Variants in DOCK3 observed in about 807,000 individuals in gnomAD.
DOCK3 encodes dedicator of cytokinesis 3, also known as dedicator of cytokinesis protein 3.
Under a neutral mutation model 265.6 loss-of-function variants are expected in DOCK3, and 60 were observed. That is an observed-to-expected ratio of 0.23 (90% CI 0.18 to 0.28). The LOEUF (loss-of-function observed/expected upper bound fraction) is 0.28. DOCK3 is among the 10% of genes least tolerant of loss of function. DOCK3 has a pLI of 1.00. For missense variants in DOCK3, 1,981 were observed against 2,594.3 expected, an observed-to-expected ratio of 0.76 and a Z score of 5.14; for synonymous variants, 881 against 938.0, an observed-to-expected ratio of 0.94 and a Z score of 1.11.
At chr3:50,740,994 C>T (rs2038980733) in intron 1 of DOCK3, among the ~76,000 whole-genome samples, 2 of 151,978 alleles carry the variant, frequency 1.3e-5, no homozygotes, top group Non-Finnish European at 2.9e-5. Context: ...TCTTTGTTCT[C>T]CCCTCCCCCA....
intron 5 of DOCK3, among the ~76,000 whole-genome samples, chr3:50,944,635 A>G (rs1055773804): frequency 1.3e-5 from 2 of 152,126 alleles, no homozygotes; most frequent in African/African-American, 4.8e-5. Flanking sequence ...AGAAAAAGGG[A>G]ATTTTCCAGC....
At chr3:51,290,631 A>G (rs939042914) in intron 27 of DOCK3, among the ~76,000 whole-genome samples, 1 of 152,168 alleles carries the variant, frequency 6.6e-6, no homozygotes, top group African/African-American at 2.4e-5. Flanking sequence ...ACATGTATAT[A>G]TATGTAACAA....
At chr3:50,846,153 G>T (rs1311333565) in intron 3 of DOCK3, among the ~76,000 whole-genome samples, 2 of 152,200 alleles carry the variant, frequency 1.3e-5, no homozygotes, top group Non-Finnish European at 2.9e-5. Flanking sequence ...CACTTTGGAG[G>T]ACAGAGAAAG....
intron 5 of DOCK3, among the ~76,000 whole-genome samples, chr3:51,006,333 A>G (rs2078677871): frequency 6.6e-6 from 1 of 151,208 alleles, no homozygotes; most frequent in Non-Finnish European, 1.5e-5. Context: ...CCCTTCCCCA[A>G]TAATGTAAAC....
intron 5 of DOCK3, among the ~76,000 whole-genome samples, chr3:51,010,434 T>A (rs2078898118): frequency 6.6e-6 from 1 of 152,196 alleles, no homozygotes; most frequent in South Asian, 2.1e-4. Context: ...GAGACTAAGA[T>A]TGCAACCCCT....
At chr3:51,115,105 A>G (rs2083677728) in intron 9 of DOCK3, among the ~76,000 whole-genome samples, 1 of 152,166 alleles carries the variant, frequency 6.6e-6, no homozygotes, top group Admixed American at 6.5e-5. Flanking sequence ...CAATAAACAT[A>G]TGTGTGCATG....
intron 4 of DOCK3, among the ~76,000 whole-genome samples, chr3:50,928,687 C>A (rs2050900830): frequency 6.6e-6 from 1 of 152,110 alleles, no homozygotes; most frequent in Admixed American, 6.6e-5. Context: ...TGATTCTTTT[C>A]ATTTCTCTAA....
chr3:51,350,907 C>T (rs2085933565), intron 40 of DOCK3, among the ~76,000 whole-genome samples: 1 of 152,184 alleles, frequency 6.6e-6, no homozygotes, highest in African/African-American at 2.4e-5. Context: ...TCCTAGGATC[C>T]TGAGGGAGCT....
At chr3:51,062,676 G>A (rs1384019391) in intron 5 of DOCK3, among the ~76,000 whole-genome samples, 1 of 152,226 alleles carries the variant, frequency 6.6e-6, no homozygotes, top group Non-Finnish European at 1.5e-5. Flanking sequence ...CTCAAGAGGT[G>A]CTGCACAAGC....
chr3:51,077,195 T>C (rs2082085028), intron 7 of DOCK3, among the ~76,000 whole-genome samples: 1 of 152,138 alleles, frequency 6.6e-6, no homozygotes, highest in Non-Finnish European at 1.5e-5. Flanking sequence ...ATTTTGATGA[T>C]CAATTAGATA....
chr3:51,035,708 G>C (rs1211547528), intron 5 of DOCK3, among the ~76,000 whole-genome samples: 1 of 152,070 alleles, frequency 6.6e-6, no homozygotes, highest in East Asian at 1.9e-4. Context: ...GAGAGTACTG[G>C]TGTTTTTGTT....
intron 7 of DOCK3, among the ~76,000 whole-genome samples, chr3:51,079,830 T>C (rs2082168269): frequency 1.3e-5 from 2 of 152,208 alleles, no homozygotes; most frequent in African/African-American, 4.8e-5. Flanking sequence ...CTTTGTGAAA[T>C]GTGACACTCA....
intron 4 of DOCK3, among the ~76,000 whole-genome samples, chr3:50,923,898 T>C (rs2050631665): frequency 6.6e-6 from 1 of 152,218 alleles, no homozygotes; most frequent in African/African-American, 2.4e-5. Flanking sequence ...GGGGATCTTT[T>C]GGGTTCCATT....
intron 4 of DOCK3, among the ~76,000 whole-genome samples, chr3:50,895,208 T>G (rs1030105245): frequency 6.6e-5 from 10 of 151,542 alleles, no homozygotes; most frequent in African/African-American, 2.4e-4. Context: ...TCCCCGCTTT[T>G]TTTTTTTTTT....
chr3:50,849,598 C>T (rs1426149004), intron 3 of DOCK3, among the ~76,000 whole-genome samples: 1 of 150,970 alleles, frequency 6.6e-6, no homozygotes, highest in Non-Finnish European at 1.5e-5. Context: ...GGACTACAGG[C>T]ACATGCCACC....
At chr3:51,111,232 T>C (rs2083502276) in intron 9 of DOCK3, among the ~76,000 whole-genome samples, 1 of 152,056 alleles carries the variant, frequency 6.6e-6, no homozygotes, top group Non-Finnish European at 1.5e-5. Flanking sequence ...GAAGAATCAG[T>C]ATTGTTAGAA....
intron 31 of DOCK3, 46 bp downstream of exon 31, chr3:51,312,948 A>G (rs554243121): frequency 1.1e-4 from 172 of 1,528,796 alleles, no homozygotes; most frequent in South Asian, 4.3e-4. Flanking sequence ...TTGCATAGCC[A>G]AATAGAAAGT....
chr3:51,059,915 T>C (rs2081351275), intron 5 of DOCK3, among the ~76,000 whole-genome samples: 1 of 152,286 alleles, frequency 6.6e-6, no homozygotes, highest in South Asian at 2.1e-4. Context: ...CTCCCTCTAA[T>C]AGATTATTCT....
chr3:50,807,499 G>A (rs1333093209), intron 2 of DOCK3, among the ~76,000 whole-genome samples: 1 of 152,028 alleles, frequency 6.6e-6, no homozygotes, highest in Non-Finnish European at 1.5e-5. Context: ...CAACATCGGG[G>A]ATCAAATTTC....
Sources: gnomAD v4.1 joint callset for allele counts (sites outside exome capture counted in the v4.1 genomes callset) on GRCh38, gnomAD v4.1.1 for gene constraint, MANE v1.5 for transcripts, NCBI Gene and HGNC (gene_info 2026-07-23, HGNC 2026-07-21) for gene names.